Variants in CCDC171 observed in about 807,000 individuals in gnomAD.
The protein encoded by CCDC171 is coiled-coil domain-containing protein 171.
Under a neutral mutation model 168.2 loss-of-function variants are expected in CCDC171, and 177 were observed. The ratio of observed to expected loss-of-function variants is 1.05; its 90% CI spans 0.93 to 1.19. The LOEUF (loss-of-function observed/expected upper bound fraction) is 1.19. CCDC171 is among the 50% of genes most tolerant of loss of function. The pLI, the probability that CCDC171 is intolerant of heterozygous loss-of-function variation, is 0.00. For missense variants in CCDC171, 1,991 were observed against 1,539.0 expected (o/e 1.29, Z -4.91); for synonymous variants, 687 against 540.8 (o/e 1.27, Z -3.75).
intron 21 of CCDC171, among the ~76,000 whole-genome samples, chr9:15,793,571 T>TG (rs2058390541): frequency 7.6e-6 from 1 of 131,230 alleles, no homozygotes; most frequent in Non-Finnish European, 1.6e-5. Flanking sequence ...TTTTTTTTTT[T>TG]TTTTTTTTTG....
chr9:15,808,152 C>G (rs2059161738), intron 21 of CCDC171, among the ~76,000 whole-genome samples: 1 of 151,996 alleles, frequency 6.6e-6, no homozygotes, highest in Non-Finnish European at 1.5e-5. Flanking sequence ...CTCATATACT[C>G]TGAGTGAGGG....
intron 1 of CCDC171, among the ~76,000 whole-genome samples, chr9:15,558,107 A>T (rs1353392100): frequency 4.6e-5 from 7 of 152,112 alleles, no homozygotes; most frequent in African/African-American, 1.7e-4. Flanking sequence ...CGTGGTGGAT[A>T]AGCTTTTTGA....
At chr9:15,739,690 T>C (rs1011258408) in intron 16 of CCDC171, among the ~76,000 whole-genome samples, 7 of 152,136 alleles carry the variant, frequency 4.6e-5, no homozygotes, top group Admixed American at 2.6e-4. Flanking sequence ...ATTTGGGTTC[T>C]AGTAGGAGTG....
chr9:15,573,141 C>T (rs938517780), intron 3 of CCDC171, among the ~76,000 whole-genome samples: 1 of 151,912 alleles, frequency 6.6e-6, no homozygotes, highest in African/African-American at 2.4e-5. Context: ...GCCTGGGCAA[C>T]AGAGGAGAGT....
intron 7 of CCDC171, among the ~76,000 whole-genome samples, chr9:15,624,408 C>T (rs1490965829): frequency 6.6e-6 from 1 of 152,090 alleles, no homozygotes; most frequent in Non-Finnish European, 1.5e-5. Context: ...TGGTGTGCTG[C>T]ACCCATTAAC....
chr9:16,066,757 C>T, the CCDC171 span, among the ~76,000 whole-genome samples: 6 of 148,164 alleles, frequency 4.0e-5, no homozygotes, highest in Non-Finnish European at 6.0e-5. Context: ...TGATGATTTC[C>T]AATTTCATCC....
At chr9:15,877,544 G>A (rs1414986988) in intron 24 of CCDC171, among the ~76,000 whole-genome samples, 2 of 151,768 alleles carry the variant, frequency 1.3e-5, no homozygotes, top group Non-Finnish European at 2.9e-5. Context: ...CTTTTCCATG[G>A]CATAGGATGT....
At chr9:15,637,521 C>T (rs202012815) in intron 7 of CCDC171, among the ~76,000 whole-genome samples, 14 of 150,564 alleles carry the variant, frequency 9.3e-5, no homozygotes, top group South Asian at 6.4e-4. Flanking sequence ...CACAATATGC[C>T]GGTTAGTTAC....
intron 7 of CCDC171, among the ~76,000 whole-genome samples, chr9:15,636,585 C>CA (rs2046216595): frequency 6.6e-6 from 1 of 151,004 alleles, no homozygotes; most frequent in Non-Finnish European, 1.5e-5. Flanking sequence ...ATCATCCCTA[C>CA]AAAAAATACA....
chr9:15,757,808 G>A (rs959383734), intron 18 of CCDC171, among the ~76,000 whole-genome samples: 4 of 152,198 alleles, frequency 2.6e-5, no homozygotes, highest in Admixed American at 6.5e-5. Flanking sequence ...AGGGGCCAAC[G>A]TAGAGCTTGG....
At chr9:15,804,131 C>T (rs2058962068) in intron 21 of CCDC171, among the ~76,000 whole-genome samples, 1 of 152,090 alleles carries the variant, frequency 6.6e-6, no homozygotes, top group Non-Finnish European at 1.5e-5. Flanking sequence ...AGCTTTTGGG[C>T]TGTGATGATG....
At chr9:16,034,961 A>C (rs1833435401) in intron 6 of CCDC171, among the ~76,000 whole-genome samples, 1 of 152,230 alleles carries the variant, frequency 6.6e-6, no homozygotes, top group Non-Finnish European at 1.5e-5. Context: ...TACACTTGAT[A>C]TGCAAACACA....
intron 23 of CCDC171, among the ~76,000 whole-genome samples, chr9:15,856,071 C>T (rs867106444): frequency 6.6e-6 from 1 of 151,968 alleles, no homozygotes; most frequent in Middle Eastern, 3.4e-3. Flanking sequence ...TCAGGACTCC[C>T]TTTAGCATTT....
intron 3 of CCDC171, among the ~76,000 whole-genome samples, chr9:15,991,028 G>A (rs1475351161): frequency 1.3e-5 from 2 of 152,092 alleles, no homozygotes; most frequent in African/African-American, 4.8e-5. Context: ...GAGACAGAAA[G>A]TTAACAAGGA....
chr9:16,048,713 G>A (rs1055886295), intron 1 of CCDC171, among the ~76,000 whole-genome samples: 3 of 151,260 alleles, frequency 2.0e-5, no homozygotes, highest in East Asian at 1.9e-4. Flanking sequence ...CAGAACACCC[G>A]GCTTTAATCT....
At chr9:16,101,609 A>C in the CCDC171 span, among the ~76,000 whole-genome samples, 1 of 152,234 alleles carries the variant, frequency 6.6e-6, no homozygotes, top group African/African-American at 2.4e-5. Flanking sequence ...ACCAAACTAC[A>C]TGAACCCTTT....
At chr9:15,754,534 C>A (rs1023197741) in intron 18 of CCDC171, among the ~76,000 whole-genome samples, 1 of 152,112 alleles carries the variant, frequency 6.6e-6, no homozygotes. Flanking sequence ...CGCATACACA[C>A]ACACACCCCT....
chr9:15,656,987 A>G, intron 7 of CCDC171, 140 bp from the exon 8 acceptor site: 1 of 452,106 alleles, frequency 2.2e-6, no homozygotes, highest in East Asian at 3.4e-5. Context: ...TGAATTTTAC[A>G]TTCCATTCTT....
At chr9:15,573,413 C>T (rs886810544) in intron 3 of CCDC171, among the ~76,000 whole-genome samples, 5 of 152,090 alleles carry the variant, frequency 3.3e-5, no homozygotes, top group Non-Finnish European at 4.4e-5. Context: ...TCCCCAGTAG[C>T]TGGGACTACA....
Sources: gnomAD v4.1 joint callset for allele counts (sites outside exome capture counted in the v4.1 genomes callset) on GRCh38, gnomAD v4.1.1 for gene constraint, MANE v1.5 for transcripts, NCBI Gene and HGNC (gene_info 2026-07-23, HGNC 2026-07-21) for gene names.